FAM174B: variants seen among roughly 807,000 people sequenced by gnomAD.
FAM174B encodes the protein membrane protein FAM174B.
Under a neutral mutation model 10.9 loss-of-function variants are expected in FAM174B, and 12 were observed. That is an observed-to-expected ratio of 1.10 (90% confidence interval 0.71 to 1.79). FAM174B has a LOEUF of 1.79. Ranked by LOEUF, FAM174B falls within the 40% of genes most tolerant of loss-of-function variation. The probability of loss-of-function intolerance (pLI) is 0.00; values close to 1 mark genes in which losing one functional copy is unlikely to be tolerated. For synonymous variants in FAM174B, 132 were observed against 115.8 expected (o/e 1.14, Z -0.90); for missense variants, 266 against 233.3 (o/e 1.14, Z -0.91).
intron 2 of FAM174B, 83 bp from the exon 3 acceptor site, chr15:92,619,542 C>T (rs1056571157): frequency 6.7e-6 from 10 of 1,491,890 alleles, no homozygotes; most frequent in Non-Finnish European, 9.2e-6. Context: ...ATCTCTATCC[C>T]TCACCCTCTC....
In FAM174B at chr15:92,655,591, G is replaced by A. The variant is rs773540748; in HGVS notation, c.69C>T (p.Ala23=). 1,155 of 1,303,936 alleles carry A rather than the reference G, an allele frequency of 8.9e-4. 1 individual carries two copies. Among genetic ancestry groups the A allele is most frequent in the Non-Finnish European group, 1.1e-3 (1,102 of 1,028,502 alleles). The allele number at this position is 1,303,936 out of a possible 1,614,324, so 80.8% of individuals were successfully genotyped here. ...CGGACTCGGCTCTGCTGGCGCGGGC[G>A]GCGGGAGCGGCCAGGAGCGCGAGCA... ...LLLLALLAAP[A]ARASRAESVS... Residue 23 remains alanine, a synonymous_variant, in exon 1 of 3, where the codon GCC becomes GCT. Transcript: ENST00000327355.
intron 2 of FAM174B, 56 bp downstream of exon 2, chr15:92,630,158 G>A: frequency 6.3e-7 from 1 of 1,591,762 alleles, no homozygotes; most frequent in Admixed American, 1.7e-5. Flanking sequence ...TGACCTCGAG[G>A]TCCCACCAAC....
intron 1 of FAM174B, among the ~76,000 whole-genome samples, chr15:92,631,903 G>A (rs548821148): frequency 1.1e-4 from 17 of 152,278 alleles, no homozygotes; most frequent in Admixed American, 7.8e-4. Flanking sequence ...GCTTGAGGGC[G>A]CCGCCCTATA....
At chr15:92,648,733 A>G (rs141119546) in intron 1 of FAM174B, among the ~76,000 whole-genome samples, 144 of 152,328 alleles carry the variant, frequency 9.5e-4, no homozygotes, top group African/African-American at 3.3e-3. Context: ...CAGGCCTACA[A>G]GAGCCCTGCC....
intron 1 of FAM174B, among the ~76,000 whole-genome samples, chr15:92,648,848 G>T (rs960468033): frequency 6.6e-6 from 1 of 152,184 alleles, no homozygotes; most frequent in Non-Finnish European, 1.5e-5. Flanking sequence ...TAGATTCCTG[G>T]CAGATTGCCC....
intron 1 of FAM174B, among the ~76,000 whole-genome samples, chr15:92,632,742 G>A (rs931177269): frequency 2.0e-5 from 3 of 151,358 alleles, no homozygotes; most frequent in East Asian, 1.9e-4. Flanking sequence ...GGCTGGTCTC[G>A]AACTCCTGAA....
At chr15:92,646,448 A>G (rs554712679) in intron 1 of FAM174B, among the ~76,000 whole-genome samples, 1 of 152,238 alleles carries the variant, frequency 6.6e-6, no homozygotes, top group South Asian at 2.1e-4. Context: ...GGGATGATAA[A>G]CCAAAATTGA....
intron 1 of FAM174B, among the ~76,000 whole-genome samples, chr15:92,633,936 C>T (rs2050835674): frequency 6.6e-6 from 1 of 152,078 alleles, no homozygotes; most frequent in Non-Finnish European, 1.5e-5. Context: ...CACAAGCAAT[C>T]CAAGACAAAA....
chr15:92,630,053 T>C (rs1192532945), intron 2 of FAM174B, 161 bp downstream of exon 2: 4 of 543,218 alleles, frequency 7.4e-6, no homozygotes, highest in African/African-American at 5.7e-5. Flanking sequence ...AGCATGAAAA[T>C]GGACTAACAC....
Position 92,640,551 on chromosome 15 carries a change from C to CAAA in FAM174B, c.345-10209_345-10207dup, listed in dbSNP as rs60865026. Among the ~76,000 whole-genome samples, 39 of 67,720 alleles carry CAAA rather than the reference C, an allele frequency of 5.8e-4. 1 individual carries two copies. Among genetic ancestry groups the CAAA allele is most frequent in the Middle Eastern group, 0.016 (1 of 62 alleles). The allele number at this position is 67,720 out of a possible 152,430, so 44.4% of individuals were successfully genotyped here. On this transcript the variant is annotated intron_variant, in intron 1 of 2. Coordinates refer to ENST00000327355, the MANE Select transcript of FAM174B (RefSeq NM_207446.3). ...TGGATGACAAAGTGAGACTCCATCT[C>CAAA]AAAAAAAAAAAAAAAAAAAAAAAAA...
chr15:92,630,376 A>G (rs1342241530), intron 1 of FAM174B, 31 bp from the exon 2 acceptor site: 2 of 1,586,592 alleles, frequency 1.3e-6, no homozygotes, highest in Admixed American at 1.8e-5. Flanking sequence ...TCATGAGAAC[A>G]CAGCTGGGAG....
intron 1 of FAM174B, 97 bp downstream of exon 1, chr15:92,655,219 C>G (rs953042507): frequency 7.0e-7 from 1 of 1,428,332 alleles, no homozygotes. Flanking sequence ...CGCACCAGGG[C>G]ACCTGTGCGT....
In FAM174B at chr15:92,655,634, G is replaced by T. The variant is rs1268152496; in HGVS notation, c.26C>A (p.Pro9Gln). ...CGCGAGCAGCAGCAGCGGCAGGAGC[G>T]GGGCGGGCAGCGGCACGGCGCGCAT... MRAVPLPA[P>Q]LLPLLLLALL... Residue 9 changes from proline to glutamine, a missense_variant, in exon 1 of 3, where the codon CCG becomes CAG. Pro to Gln is a moderately conservative substitution (Grantham distance 76). Transcript: ENST00000327355. The T allele has an allele frequency of 3.2e-6, 4 of 1,256,782 alleles. No individual in the cohort carries two copies. Among genetic ancestry groups the T allele is most frequent in the South Asian group, 3.4e-5 (1 of 29,772 alleles). The allele number at this position is 1,256,782 out of a possible 1,614,324, so 77.9% of individuals were successfully genotyped here.
intron 2 of FAM174B, among the ~76,000 whole-genome samples, chr15:92,620,825 A>AG (rs1202205723): frequency 6.6e-6 from 1 of 151,362 alleles, no homozygotes; most frequent in East Asian, 1.9e-4. Context: ...AAAAAAAAAA[A>AG]AAAAAAAAAA....
At chr15:92,630,740 AT>A (rs1259214344) in intron 1 of FAM174B, among the ~76,000 whole-genome samples, 2,044 of 93,596 alleles carry the variant, frequency 0.022, 197 homozygotes, top group African/African-American at 0.077. Context: ...ATAATTATAT[AT>A]TTTTTATATT....
chr15:92,618,556 GTTCA>G lies in FAM174B; in HGVS notation c.*896_*899del, dbSNP rs2050695079. ...ATTTTTTCCAGCCAGCCAAATCACC[GTTCA>G]TTTTTAAAATGGTTTTTAAAAATTA... On this transcript the variant is annotated 3_prime_UTR_variant, in exon 3 of 3. Transcript: ENST00000327355. 6.6e-6 allele frequency: 1 copy of G among 152,658 alleles called. No individual in the cohort carries two copies. The highest frequency in any genetic ancestry group is 1.9e-4 in the East Asian group (1 of 5,206). The allele number at this position is 152,658 out of a possible 1,614,324, so 9.5% of individuals were successfully genotyped here. A position where few individuals can be genotyped will look rare whatever the true frequency, so the allele number is the denominator to read the frequency against.
In FAM174B at chr15:92,655,312, C is replaced by A; in HGVS notation, c.344+4G>T. ...GGGGGAAGGAAGAGGGCGGGAGGGC[C>A]CACCTGAAGACGCGCAGCAGCAGGC... On this transcript the variant is annotated splice_donor_region_variant and intron_variant, in intron 1 of 2. Transcript: ENST00000327355. 1 of 1,556,294 alleles carries A rather than the reference C, an allele frequency of 6.4e-7. No individual in the cohort carries two copies. The highest frequency in any genetic ancestry group is 2.6e-5 in the East Asian group (1 of 38,496).
chr15:92,641,883 T>C (rs1435160432), intron 1 of FAM174B, among the ~76,000 whole-genome samples: 1 of 152,174 alleles, frequency 6.6e-6, no homozygotes, highest in Non-Finnish European at 1.5e-5. Flanking sequence ...GACACCCCCA[T>C]AGAATGGGAG....
At chr15:92,639,744 G>A (rs1421457176) in intron 1 of FAM174B, among the ~76,000 whole-genome samples, 1 of 151,960 alleles carries the variant, frequency 6.6e-6, no homozygotes, top group Non-Finnish European at 1.5e-5. Flanking sequence ...TTTAAAAGTG[G>A]GTGATACCTC....
Sources: gnomAD v4.1 joint callset for allele counts (sites outside exome capture counted in the v4.1 genomes callset) on GRCh38, gnomAD v4.1.1 for gene constraint, MANE v1.5 for transcripts, NCBI Gene and HGNC (gene_info 2026-07-23, HGNC 2026-07-21) for gene names.